Variants in PKP2 observed in about 807,000 individuals in gnomAD.
PKP2 encodes the protein plakophilin-2.
PKP2 carries 73 observed loss-of-function variants against 83.4 expected under a neutral mutation model. The observed-to-expected ratio is 0.88, with a 90% CI of 0.72 to 1.06. The LOEUF is 1.06. Ranked by LOEUF, PKP2 falls within the 50% of genes least tolerant of loss-of-function variation. The pLI, the probability that PKP2 is intolerant of heterozygous loss-of-function variation, is 0.00. For missense variants in PKP2, 966 were observed against 1,065.4 expected (o/e 0.91, Z 1.30); for synonymous variants, 409 against 430.4 (o/e 0.95, Z 0.62).
At chr12:32,813,821 G>A (rs1378316892) in intron 9 of PKP2, among the ~76,000 whole-genome samples, 3 of 151,554 alleles carry the variant, frequency 2.0e-5, no homozygotes, top group Non-Finnish European at 4.4e-5. Flanking sequence ...ACATGTAATT[G>A]TTAGATACAA....
At chr12:32,841,348 A>G (rs1956590485) in intron 5 of PKP2, 143 bp from the exon 6 acceptor site, 1 of 680,216 alleles carries the variant, frequency 1.5e-6, no homozygotes, top group Non-Finnish European at 2.6e-6. Flanking sequence ...CTCTTTCTCA[A>G]CTAGAAGAAC....
At chr12:32,886,821 G>A (rs529675215) in intron 1 of PKP2, among the ~76,000 whole-genome samples, 28 of 151,776 alleles carry the variant, frequency 1.8e-4, no homozygotes, top group African/African-American at 3.9e-4. Flanking sequence ...GTGAGATCTC[G>A]TCTCTACAAA....
At chr12:32,877,508 G>A (rs373023726) in intron 3 of PKP2, among the ~76,000 whole-genome samples, 2 of 152,216 alleles carry the variant, frequency 1.3e-5, no homozygotes, top group African/African-American at 2.4e-5. Context: ...AAGAAAATAC[G>A]CATGCAATTC....
intron 1 of PKP2, 35 bp downstream of exon 1, chr12:32,896,474 G>C (rs1957124965): frequency 7.0e-7 from 1 of 1,424,416 alleles, no homozygotes. Context: ...GTGTGGGGCA[G>C]GGGGCGGCGC....
Position 32,792,687 on chromosome 12 carries a change from T to A in PKP2, c.2402A>T (p.Tyr801Phe), listed in dbSNP as rs1060501187. 1 of 1,614,122 alleles carries A rather than the reference T, an allele frequency of 6.2e-7. No individual in the cohort carries two copies. Among genetic ancestry groups the A allele is most frequent in the Admixed American group, 1.7e-5 (1 of 60,022 alleles). The change falls in exon 12 of 13, where the codon TAT becomes TTT. Residue 801 changes from tyrosine (Y) to phenylalanine (F), a missense_variant. Transcript: ENST00000340811. Reference sequence around the variant, plus strand: ...CAGTTCCGTGTGTGCCCACAGAGAATACAGAAGGACGGAAGCAGCTTTACT... The same window carrying A: ...CAGTTCCGTGTGTGCCCACAGAGAAAACAGAAGGACGGAAGCAGCTTTACT... Reference protein sequence around the residue: ...KASKAASVLLYSLWAHTELHH... With the variant: ...KASKAASVLLFSLWAHTELHH...
chr12:32,792,363 G>T lies in PKP2; in HGVS notation c.*61C>A. The T allele has an allele frequency of 1.6e-6, 2 of 1,213,278 alleles. No homozygotes were observed. The highest frequency in any genetic ancestry group is 2.5e-6 in the Non-Finnish European group (2 of 814,256). The allele number at this position is 1,213,278 out of a possible 1,614,324, so 75.2% of individuals were successfully genotyped here. On this transcript the variant is annotated 3_prime_UTR_variant, in exon 13 of 13. Coordinates refer to ENST00000340811, the MANE Select transcript of PKP2 (RefSeq NM_001005242.3). The stretch of plus-strand genomic sequence containing the variant: ...CTTTTGAGGTTTCTTGGGCTGGGTA[G>T]TAGAAAAATAGGTGTTTTCCTTTGG...
At chr12:32,895,461 C>T (rs1373875228) in intron 1 of PKP2, among the ~76,000 whole-genome samples, 1 of 152,186 alleles carries the variant, frequency 6.6e-6, no homozygotes, top group Non-Finnish European at 1.5e-5. Context: ...TTCGCCAATG[C>T]CCAAGTTACT....
intron 6 of PKP2, among the ~76,000 whole-genome samples, chr12:32,834,706 G>C (rs962785040): frequency 1.2e-4 from 18 of 152,032 alleles, no homozygotes; most frequent in African/African-American, 1.7e-4. Flanking sequence ...AGAAGACTGG[G>C]GGGGAGGAGG....
Position 32,834,286 on chromosome 12 carries a change from G to A in PKP2, c.1556+6742C>T, listed in dbSNP as rs541833833. 9.2e-5 allele frequency among the ~76,000 whole-genome samples: 14 copies of A among 152,280 alleles called. No individual in the cohort carries two copies. In the South Asian group the frequency reaches 2.7e-3, roughly 29 times the overall value. The stretch of plus-strand genomic sequence containing the variant: ...AAATTTAAATAGTGGTTTGGATAGA[G>A]CAGGCCTTCAACAAGTACTCAAGGA... On this transcript the variant is annotated intron_variant, in intron 6 of 12. Transcript: ENST00000340811.
chr12:32,801,951 C>T (rs1956184132), intron 10 of PKP2, among the ~76,000 whole-genome samples: 2 of 151,788 alleles, frequency 1.3e-5, no homozygotes, highest in African/African-American at 4.8e-5. Flanking sequence ...TTTAATAGTC[C>T]AACACACTGC....
intron 1 of PKP2, among the ~76,000 whole-genome samples, chr12:32,888,199 C>G (rs1015163560): frequency 6.6e-6 from 1 of 152,146 alleles, no homozygotes; most frequent in Non-Finnish European, 1.5e-5. Context: ...ATACACTGTT[C>G]ATTTCTGTAA....
chr12:32,810,423 C>T (rs117103430), intron 9 of PKP2, among the ~76,000 whole-genome samples: 2,797 of 152,088 alleles, frequency 0.018, 42 homozygotes, highest in South Asian at 0.045. Flanking sequence ...CATTACCAGT[C>T]GACATAGTTG....
At chr12:32,874,109 A>G (rs1956914662) in intron 3 of PKP2, among the ~76,000 whole-genome samples, 3 of 152,192 alleles carry the variant, frequency 2.0e-5, no homozygotes, top group Admixed American at 1.3e-4. Context: ...ATTGTTTAAT[A>G]CCTTAAGTCA....
chr12:32,796,183 G>A lies in PKP2; in HGVS notation c.2283C>T (p.Asn761=), dbSNP rs774405490. ...ACYTLNNIIQ[N]SYQNARDLLN... ...GAAGGTCGCGTGCATTCTGGTAACT[G>A]TTTTGGATTATGTTGTTCAATGTGT... Residue 761 remains asparagine, a synonymous_variant, in exon 11 of 13, where the codon AAC becomes AAT. Coordinates refer to ENST00000340811, the MANE Select transcript of PKP2 (RefSeq NM_001005242.3). 1 of 1,613,822 alleles carries A rather than the reference G, an allele frequency of 6.2e-7. No homozygotes were observed. The highest frequency in any genetic ancestry group is 2.2e-5 in the East Asian group (1 of 44,872).
chr12:32,813,727 A>T (rs915088340), intron 9 of PKP2, among the ~76,000 whole-genome samples: 2 of 151,762 alleles, frequency 1.3e-5, no homozygotes, highest in African/African-American at 4.8e-5. Flanking sequence ...GGCTGCAGTG[A>T]GCCATGATTA....
rs553736219 is a variant in PKP2 at position 32,823,898 on chromosome 12, G to A, written c.1674+147C>T. 6.1e-6 allele frequency: 4 copies of A among 657,254 alleles called. No homozygotes were observed. The South Asian group carries it at 6.6e-5, about 11-fold the overall frequency. 40.7% of individuals were successfully genotyped at this position (657,254 alleles called of 1,614,324 possible). ...TTACAGGCGTGAGCCACCATGCCTGGCCTAGGTTTTAATATTTCTAAGGAT... is the reference window on the plus strand; with the variant it reads ...TTACAGGCGTGAGCCACCATGCCTGACCTAGGTTTTAATATTTCTAAGGAT... On this transcript the variant is annotated intron_variant, in intron 7 of 12. Coordinates refer to ENST00000340811, the MANE Select transcript of PKP2 (RefSeq NM_001005242.3).
intron 11 of PKP2, 88 bp from the exon 12 acceptor site, chr12:32,792,819 C>T (rs1008307665): frequency 3.0e-6 from 3 of 1,000,190 alleles, no homozygotes; most frequent in Admixed American, 3.5e-5. Flanking sequence ...CCTCTTCGCT[C>T]CTCAACTGCT....
rs772384894 is a variant in PKP2, at chr12:32,878,312, C to T, written c.568G>A (p.Val190Met). ...TCGGAACGAGCATATCTCGGTGGCA[C>T]TAGGAGGGCGGCCCGCCTGCTTTCT... Reference protein sequence around the residue: ...HQESRRAALLVPPRYARSEIV... With the variant: ...HQESRRAALLMPPRYARSEIV... The change falls in exon 3 of 13, where the codon GTG becomes ATG. Residue 190 changes from valine to methionine, a missense_variant. Coordinates refer to ENST00000340811, the MANE Select transcript of PKP2 (RefSeq NM_001005242.3). 2 of 1,612,532 alleles carry T rather than the reference C, an allele frequency of 1.2e-6. No individual in the cohort carries two copies. The highest frequency in any genetic ancestry group is 4.5e-5 in the East Asian group (2 of 44,796).
chr12:32,834,266 TA>T (rs1956526011), intron 6 of PKP2, among the ~76,000 whole-genome samples: 1 of 152,142 alleles, frequency 6.6e-6, no homozygotes, highest in Non-Finnish European at 1.5e-5. Context: ...CTCAGAAATT[TA>T]AATAGTGGTT....
Sources: gnomAD v4.1 joint callset for allele counts (sites outside exome capture counted in the v4.1 genomes callset) on GRCh38, gnomAD v4.1.1 for gene constraint, MANE v1.5 for transcripts, NCBI Gene and HGNC (gene_info 2026-07-23, HGNC 2026-07-21) for gene names.